The following IPO11 variants were observed in gnomAD, a reference collection of about 807,000 sequenced individuals.
IPO11 encodes the protein importin-11.
In IPO11, 66 loss-of-function variants were observed where a neutral mutation model predicts 143.2. That is an observed-to-expected ratio of 0.46 (90% CI 0.38 to 0.57). The LOEUF (loss-of-function observed/expected upper bound fraction) is 0.57, where lower values mean the gene tolerates loss of function less well. Ranked by LOEUF, IPO11 falls within the 20% of genes least tolerant of loss-of-function variation. IPO11 has a pLI of 0.00. For synonymous variants in IPO11, 385 were observed against 377.8 expected (o/e 1.02, Z -0.22); for missense variants, 1,026 against 1,141.0 (o/e 0.90, Z 1.45).
Position 62,601,768 on chromosome 5 carries a change from A to T in IPO11, c.2683A>T (p.Met895Leu). The T allele has an allele frequency of 1.3e-6, 2 of 1,556,838 alleles. No homozygotes were observed. Among genetic ancestry groups the T allele is most frequent in the Non-Finnish European group, 1.7e-6 (2 of 1,146,540 alleles). ...TTTTTTAAAAAATTATTATAGCTGT[A>T]TGTTGATGTCTCATCTTGAGGAACC... ...DPETGTYKDC[M>L]LMSHLEEPKV... The change falls in exon 29 of 30, where the codon ATG (methionine) becomes TTG (leucine). Residue 895 changes from methionine to leucine, a missense_variant. Transcript: ENST00000325324.
intron 27 of IPO11, chr5:62,581,307 ACT>A: frequency 6.7e-7 from 1 of 1,501,612 alleles, no homozygotes; most frequent in Non-Finnish European, 8.9e-7. Flanking sequence ...CTGCTTTATA[ACT>A]CAACTAAATA....
At chr5:62,426,922 T>C (rs1743762618) in intron 1 of IPO11, among the ~76,000 whole-genome samples, 2 of 145,946 alleles carry the variant, frequency 1.4e-5, no homozygotes, top group Non-Finnish European at 3.0e-5. Context: ...GCACTTCTTT[T>C]TTCTTTCTGT....
At chr5:62,510,931 C>T (rs1332734379) in intron 19 of IPO11, among the ~76,000 whole-genome samples, 1 of 152,070 alleles carries the variant, frequency 6.6e-6, no homozygotes, top group East Asian at 1.9e-4. Context: ...CGGGGTTTCA[C>T]CATGTTGGCC....
chr5:62,470,289 A>C lies in IPO11; in HGVS notation c.689A>C (p.His230Pro). The C allele has an allele frequency of 6.2e-7, 1 of 1,613,802 alleles. No homozygotes were observed. Among genetic ancestry groups the C allele is most frequent in the Non-Finnish European group, 8.5e-7 (1 of 1,179,786 alleles). Residue 230 changes from histidine to proline, a missense_variant, in exon 7 of 30, where the codon CAT becomes CCT. Transcript: ENST00000325324. ...KLTVNGFVEPHKNMEVMGFLH... is the reference protein window; with the variant it reads ...KLTVNGFVEPPKNMEVMGFLH... Reference sequence around the variant, plus strand: ...ACTGTTAATGGATTTGTGGAACCTCATAAGAATATGGAGGTGATGGTAAGT... The same window carrying C: ...ACTGTTAATGGATTTGTGGAACCTCCTAAGAATATGGAGGTGATGGTAAGT...
chr5:62,419,993 ACTC>A (rs1290685559), intron 1 of IPO11, among the ~76,000 whole-genome samples: 1 of 151,898 alleles, frequency 6.6e-6, no homozygotes, highest in East Asian at 1.9e-4. Context: ...AGAGATCGTA[ACTC>A]TTAAAAAAAG....
intron 5 of IPO11, among the ~76,000 whole-genome samples, chr5:62,454,295 G>A (rs573421614): frequency 6.6e-6 from 1 of 152,310 alleles, no homozygotes; most frequent in Admixed American, 6.5e-5. Context: ...ACTCACTCAA[G>A]TCTTTCTGTG....
Position 62,586,761 on chromosome 5 carries a change from AAAAAAAAAT to A in IPO11, c.2583-4814_2583-4806del, listed in dbSNP as rs1459395387. ...AGCAAAACTCAGTCTCCAAAAAAAA[AAAAAAAAAT>A]ATATATATATATATATATATATATA... On this transcript the variant is annotated intron_variant, in intron 27 of 29. Transcript: ENST00000325324. Among the ~76,000 whole-genome samples the A allele has an allele frequency of 5.8e-3, 570 of 98,826 alleles. 2 individuals are homozygous for A. The highest frequency in any genetic ancestry group is 8.2e-3 in the Non-Finnish European group (400 of 48,620). 64.8% of individuals were successfully genotyped at this position (98,826 alleles called of 152,430 possible).
chr5:62,552,910 G>T (rs1407268562), intron 26 of IPO11, among the ~76,000 whole-genome samples: 1 of 151,960 alleles, frequency 6.6e-6, no homozygotes, highest in Non-Finnish European at 1.5e-5. Flanking sequence ...ATCAAATCAG[G>T]GTAATTGACA....
chr5:62,515,541 T>C, intron 20 of IPO11, 40 bp downstream of exon 20: 1 of 1,321,406 alleles, frequency 7.6e-7, no homozygotes. Flanking sequence ...GTTTAGTGGT[T>C]TTTAAAAAAT....
At chr5:62,518,736 C>T (rs533174173) in intron 20 of IPO11, among the ~76,000 whole-genome samples, 2 of 151,900 alleles carry the variant, frequency 1.3e-5, no homozygotes, top group Non-Finnish European at 2.9e-5. Context: ...TTTTTTTAAT[C>T]CTGGAAATCC....
intron 29 of IPO11, among the ~76,000 whole-genome samples, chr5:62,613,105 G>C (rs1403700655): frequency 1.3e-5 from 2 of 152,086 alleles, no homozygotes; most frequent in Non-Finnish European, 2.9e-5. Flanking sequence ...TTATGAGTGA[G>C]ACTAAGAATT....
At chr5:62,499,005 G>A (rs1301114813) in intron 16 of IPO11, among the ~76,000 whole-genome samples, 2 of 152,180 alleles carry the variant, frequency 1.3e-5, no homozygotes, top group African/African-American at 2.4e-5. Flanking sequence ...ATAAACTGTG[G>A]TATAATCAGA....
chr5:62,464,548 C>T (rs140214857), intron 5 of IPO11, among the ~76,000 whole-genome samples: 1 of 151,908 alleles, frequency 6.6e-6, no homozygotes, highest in African/African-American at 2.4e-5. Context: ...CGGCTCACTG[C>T]AGCCTCCCTT....
chr5:62,604,398 A>G (rs1442430992), intron 29 of IPO11, among the ~76,000 whole-genome samples: 1 of 152,138 alleles, frequency 6.6e-6, no homozygotes, highest in East Asian at 1.9e-4. Context: ...TTTAGTGGGC[A>G]CGGGGTTTTG....
intron 24 of IPO11, among the ~76,000 whole-genome samples, chr5:62,541,928 T>A (rs1030388850): frequency 5.3e-5 from 8 of 152,110 alleles, no homozygotes; most frequent in African/African-American, 1.9e-4. Flanking sequence ...TTAACAAATT[T>A]GGAGCCAGAG....
At chr5:62,554,188 A>G (rs1365198136) in intron 26 of IPO11, among the ~76,000 whole-genome samples, 2 of 152,292 alleles carry the variant, frequency 1.3e-5, no homozygotes, top group Non-Finnish European at 2.9e-5. Flanking sequence ...CCTTTGTTGG[A>G]TATATAATTT....
Position 62,448,848 on chromosome 5 carries a change from G to A in IPO11, c.240-1079G>A, listed in dbSNP as rs181036473. Among the ~76,000 whole-genome samples, 91 of 152,092 alleles carry A rather than the reference G, an allele frequency of 6.0e-4. No homozygotes were observed. In the East Asian group the frequency reaches 0.014, roughly 23 times the overall value. Reference sequence around the variant, plus strand: ...GATTGGGATTACAGGCATGAGCCACGACGGCTGGCCCTTTACTTTTTCTAG... The same window carrying A: ...GATTGGGATTACAGGCATGAGCCACAACGGCTGGCCCTTTACTTTTTCTAG... On this transcript the variant is annotated intron_variant, in intron 3 of 29. Coordinates refer to ENST00000325324, the MANE Select transcript of IPO11 (RefSeq NM_016338.5).
At chr5:62,557,654 C>T (rs1743623518) in intron 26 of IPO11, among the ~76,000 whole-genome samples, 1 of 152,202 alleles carries the variant, frequency 6.6e-6, no homozygotes, top group African/African-American at 2.4e-5. Flanking sequence ...ATTTTTCCCT[C>T]TTTTTCTTCC....
chr5:62,553,045 GA>G (rs1743443483), intron 26 of IPO11, among the ~76,000 whole-genome samples: 1 of 152,044 alleles, frequency 6.6e-6, no homozygotes, highest in African/African-American at 2.4e-5. Context: ...TAGAACACTA[GA>G]ACTTATTCCT....
Sources: gnomAD v4.1 joint callset for allele counts (sites outside exome capture counted in the v4.1 genomes callset) on GRCh38, gnomAD v4.1.1 for gene constraint, MANE v1.5 for transcripts, NCBI Gene and HGNC (gene_info 2026-07-23, HGNC 2026-07-21) for gene names.